The following BZW2 variants were observed in gnomAD, a reference collection of about 807,000 sequenced individuals.
BZW2 encodes basic leucine zipper and W2 domains 2.
Under a neutral mutation model 53.2 loss-of-function variants are expected in BZW2, and 23 were observed. The ratio of observed to expected loss-of-function variants is 0.43; its 90% CI spans 0.31 to 0.61. BZW2 has a LOEUF of 0.61. Among genes scored for constraint, BZW2 ranks in the 20% least tolerant of loss-of-function variants. The pLI is 0.09. For missense variants in BZW2, 409 were observed against 503.1 expected (o/e 0.81, Z 1.79); for synonymous variants, 227 against 186.4 (o/e 1.22, Z -1.77).
intron 1 of BZW2, among the ~76,000 whole-genome samples, chr7:16,659,603 A>G (rs1317704822): frequency 6.6e-6 from 1 of 152,144 alleles, no homozygotes; most frequent in East Asian, 1.9e-4. Context: ...CATTAATGGA[A>G]AGGAAAATGT....
intron 2 of BZW2, among the ~76,000 whole-genome samples, chr7:16,667,487 G>A (rs1253068993): frequency 2.0e-5 from 3 of 152,182 alleles, no homozygotes; most frequent in African/African-American, 7.2e-5. Context: ...TTTAATAACT[G>A]ACTTTATATG....
chr7:16,664,727 A>T (rs1460165885), intron 1 of BZW2, among the ~76,000 whole-genome samples: 1 of 152,226 alleles, frequency 6.6e-6, no homozygotes, highest in Non-Finnish European at 1.5e-5. Flanking sequence ...TTTTTTATGT[A>T]TACAACAATG....
chr7:16,647,116 A>T (rs929659428), intron 1 of BZW2, among the ~76,000 whole-genome samples: 1 of 152,162 alleles, frequency 6.6e-6, no homozygotes, highest in South Asian at 2.1e-4. Flanking sequence ...ACAAGTGTGT[A>T]TTTCAGAATA....
intron 2 of BZW2, among the ~76,000 whole-genome samples, chr7:16,674,149 C>T (rs988232851): frequency 6.6e-6 from 1 of 152,224 alleles, no homozygotes; most frequent in Non-Finnish European, 1.5e-5. Context: ...ATCCACCTGC[C>T]TTGGCCTCCC....
chr7:16,665,532 T>G (rs1280865264), intron 2 of BZW2, 31 bp downstream of exon 2: 10 of 1,605,820 alleles, frequency 6.2e-6, no homozygotes, highest in Non-Finnish European at 8.5e-6. Context: ...TGTGTGTGTT[T>G]AAAGTTGTAA....
intron 10 of BZW2, among the ~76,000 whole-genome samples, chr7:16,704,293 A>G (rs1001618754): frequency 8.5e-5 from 13 of 152,236 alleles, no homozygotes; most frequent in Admixed American, 3.9e-4. Flanking sequence ...TCCAAGTCCT[A>G]GTAGTGAGCT....
At chr7:16,648,261 T>C (rs1223523333) in intron 1 of BZW2, among the ~76,000 whole-genome samples, 2 of 152,232 alleles carry the variant, frequency 1.3e-5, no homozygotes, top group Non-Finnish European at 2.9e-5. Flanking sequence ...CTACTTCATA[T>C]TGAGTATTTA....
intron 2 of BZW2, among the ~76,000 whole-genome samples, 170 bp from the exon 3 acceptor site, chr7:16,674,241 CT>C (rs1229770199): frequency 6.6e-6 from 1 of 152,142 alleles, no homozygotes; most frequent in African/African-American, 2.4e-5. Context: ...TCTTATTCCC[CT>C]ATGCCATCTT....
chr7:16,682,072 T>A lies in BZW2; in HGVS notation c.339+668T>A, dbSNP rs966112628. Among the ~76,000 whole-genome samples the A allele has an allele frequency of 5.3e-5, 8 of 152,328 alleles. No individual in the cohort carries two copies. In the South Asian group the frequency reaches 1.0e-3, roughly 20 times the overall value. On this transcript the variant is annotated intron_variant, in intron 4 of 11. Transcript: ENST00000258761. ...TTTCTCCATAAAGGGCAACCATATT[T>A]TTTACTCTTGGACTCCATCTTGATT...
At chr7:16,660,026 C>T (rs1158594987) in intron 1 of BZW2, among the ~76,000 whole-genome samples, 1 of 150,224 alleles carries the variant, frequency 6.7e-6, no homozygotes, top group Non-Finnish European at 1.5e-5. Context: ...CAGGCCCCTT[C>T]CTGTGTCCAC....
chr7:16,670,556 C>T (rs1029336897), intron 2 of BZW2, among the ~76,000 whole-genome samples: 1 of 152,182 alleles, frequency 6.6e-6, no homozygotes, highest in Non-Finnish European at 1.5e-5. Flanking sequence ...GTTTTATTTC[C>T]ACCTTTCTCA....
intron 5 of BZW2, among the ~76,000 whole-genome samples, chr7:16,684,144 A>G (rs955789833): frequency 1.3e-5 from 2 of 152,202 alleles, no homozygotes; most frequent in Non-Finnish European, 2.9e-5. Context: ...GCAGTCTTTT[A>G]TACTTGTAGG....
At chr7:16,672,946 C>T (rs1289016315) in intron 2 of BZW2, among the ~76,000 whole-genome samples, 3 of 149,428 alleles carry the variant, frequency 2.0e-5, no homozygotes, top group African/African-American at 7.7e-5. Flanking sequence ...TTGTCTTATC[C>T]ACTTTCTTTT....
intron 6 of BZW2, among the ~76,000 whole-genome samples, chr7:16,689,186 A>C (rs1185740861): frequency 6.6e-6 from 1 of 152,212 alleles, no homozygotes; most frequent in East Asian, 1.9e-4. Flanking sequence ...AGATCGTGCT[A>C]CTTCACTCCA....
In BZW2 at chr7:16,698,134, C is replaced by G. The variant is rs1349473469; in HGVS notation, c.1056C>G (p.Asp352Glu). The change falls in exon 10 of 12, where the codon GAC becomes GAG. Residue 352 changes from aspartate to glutamate, a missense_variant. By Grantham distance (45) the Asp-to-Glu change is conservative. Transcript: ENST00000258761. The part of the protein sequence containing the change: ...LLQKVQEYCY[D>E]NIHFMKAFQK... ...AGAAGGTTCAGGAATACTGCTACGA[C>G]AACATCCATTTCATGAAAGCCTTTC... The G allele has an allele frequency of 3.7e-6, 6 of 1,614,080 alleles. No homozygotes were observed. The African/African-American group carries it at 6.7e-5, about 18-fold the overall frequency.
chr7:16,668,384 T>C (rs1176383835), intron 2 of BZW2, among the ~76,000 whole-genome samples: 2 of 152,190 alleles, frequency 1.3e-5, no homozygotes, highest in Non-Finnish European at 2.9e-5. Flanking sequence ...GGAGAGCCAC[T>C]GAGAAATATA....
intron 4 of BZW2, 38 bp from the exon 5 acceptor site, chr7:16,682,742 T>C (rs1211770223): frequency 7.3e-7 from 1 of 1,376,054 alleles, no homozygotes; most frequent in African/African-American, 1.5e-5. Flanking sequence ...CTGTGTCTTT[T>C]TGGTTGACCT....
Position 16,704,712 on chromosome 7 carries a change from C to G in BZW2, c.1231+43C>G, listed in dbSNP as rs371383622. ...AACATTGATGACCTTTAAACACTGT[C>G]TCATTATATGTCAAAATATTTACCT... On this transcript the variant is annotated intron_variant, in intron 11 of 11. Transcript: ENST00000258761. 4.7e-4 allele frequency: 702 copies of G among 1,481,010 alleles called. 1 individual carries two copies. Among genetic ancestry groups the G allele is most frequent in the Non-Finnish European group, 5.8e-4 (637 of 1,094,428 alleles). 91.7% of individuals were successfully genotyped at this position (1,481,010 alleles called of 1,614,324 possible).
In BZW2 at chr7:16,681,402, C is replaced by G. The variant is rs536211544; in HGVS notation, c.337C>G (p.Gln113Glu). ...TCATGAAACCATCCGAAACTATGCT[C>G]AGGTAGAGCCTGTTTGAGAGACTGA... Reference protein sequence around the residue: ...EDHETIRNYAQVFNKLIRRYK... With the variant: ...EDHETIRNYAEVFNKLIRRYK... The change falls in exon 4 of 12, where the codon CAG becomes GAG. Residue 113 changes from glutamine (Q) to glutamate (E), a missense_variant and splice_region_variant. Coordinates refer to ENST00000258761, the MANE Select transcript of BZW2 (RefSeq NM_014038.3). The G allele has an allele frequency of 6.2e-7, 1 of 1,612,486 alleles. No homozygotes were observed. Among genetic ancestry groups the G allele is most frequent in the African/African-American group, 1.3e-5 (1 of 74,968 alleles).
Sources: allele counts gnomAD v4.1 joint callset (sites outside exome capture counted in the v4.1 genomes callset), GRCh38; gene constraint gnomAD v4.1.1; transcripts MANE v1.5; gene names NCBI Gene and HGNC (gene_info 2026-07-23, HGNC 2026-07-21).